ZFHX3: variants seen among roughly 807,000 people sequenced by gnomAD.
The protein encoded by ZFHX3 is zinc finger homeobox 3.
In ZFHX3, 42 loss-of-function variants were observed where a neutral mutation model predicts 279.1. The observed-to-expected ratio is 0.15, with a 90% confidence interval of 0.12 to 0.19. ZFHX3 has a LOEUF of 0.19. ZFHX3 is among the 10% of genes least tolerant of loss of function. The pLI, the probability that ZFHX3 is intolerant of heterozygous loss-of-function variation, is 1.00. For synonymous variants in ZFHX3, 2,293 were observed against 1,957.8 expected, an observed-to-expected ratio of 1.17 and a Z score of -4.52; for missense variants, 4,981 against 4,754.0, an observed-to-expected ratio of 1.05 and a Z score of -1.40.
intron 4 of ZFHX3, among the ~76,000 whole-genome samples, chr16:73,309,510 GT>G (rs1462605005): frequency 6.6e-6 from 1 of 152,222 alleles, no homozygotes; most frequent in Non-Finnish European, 1.5e-5. Context: ...GTCCACAGCA[GT>G]GGAAGGAACC....
chr16:73,865,286 G>T (rs1295981846), intron 1 of ZFHX3, among the ~76,000 whole-genome samples: 2 of 152,168 alleles, frequency 1.3e-5, no homozygotes, highest in Non-Finnish European at 2.9e-5. Context: ...CTGAAAATAA[G>T]TTAAAAAAAT....
chr16:72,854,564 G>A (rs1276941749), intron 4 of ZFHX3, among the ~76,000 whole-genome samples: 8 of 152,102 alleles, frequency 5.3e-5, no homozygotes, highest in Admixed American at 2.6e-4. Flanking sequence ...GGCAGAAGAT[G>A]GTCCTGGACA....
At chr16:73,415,753 A>T (rs2017559036) in intron 3 of ZFHX3, among the ~76,000 whole-genome samples, 1 of 152,194 alleles carries the variant, frequency 6.6e-6, no homozygotes, top group African/African-American at 2.4e-5. Context: ...TGCAGATTCC[A>T]TCACAACCCA....
intron 2 of ZFHX3, among the ~76,000 whole-genome samples, chr16:73,618,440 T>A (rs2052326588): frequency 6.6e-6 from 1 of 152,380 alleles, no homozygotes; most frequent in Non-Finnish European, 1.5e-5. Flanking sequence ...AGGATTATTG[T>A]CATTCTCTAT....
chr16:73,433,933 C>A (rs1032565572), intron 3 of ZFHX3, among the ~76,000 whole-genome samples: 46 of 152,190 alleles, frequency 3.0e-4, no homozygotes, highest in African/African-American at 8.2e-4. Context: ...GGGAGAAAGA[C>A]TGGAAAAGCC....
At chr16:73,748,810 A>G (rs435975) in intron 1 of ZFHX3, among the ~76,000 whole-genome samples, 39,441 of 152,000 alleles carry the variant, frequency 0.26, 5,985 homozygotes, top group African/African-American at 0.43. Context: ...TTTTTGAGAC[A>G]GAGTTTTGCT....
At chr16:73,709,005 T>C (rs2053331736) in intron 1 of ZFHX3, among the ~76,000 whole-genome samples, 1 of 152,174 alleles carries the variant, frequency 6.6e-6, no homozygotes, top group South Asian at 2.1e-4. Context: ...TTGGAGGATC[T>C]GTAAAGCGGC....
chr16:73,024,098 G>C (rs183981881), intron 1 of ZFHX3, among the ~76,000 whole-genome samples: 1 of 152,292 alleles, frequency 6.6e-6, no homozygotes, highest in Admixed American at 6.5e-5. Flanking sequence ...TTGCTCCATA[G>C]TCTGCATCGA....
intron 1 of ZFHX3, among the ~76,000 whole-genome samples, chr16:73,733,983 A>G (rs1290438090): frequency 1.3e-5 from 2 of 152,154 alleles, no homozygotes; most frequent in African/African-American, 2.4e-5. Context: ...CAATTTTTCC[A>G]TGGATTGGGA....
intron 5 of ZFHX3, among the ~76,000 whole-genome samples, chr16:73,223,645 C>A (rs1404982650): frequency 6.6e-6 from 1 of 152,250 alleles, no homozygotes; most frequent in East Asian, 1.9e-4. Flanking sequence ...ACAGTTTAAC[C>A]ATTTCTTACA....
rs973234434 is a variant in ZFHX3 at position 72,784,369 on chromosome 16, T to C, written c.*2795A>G. The C allele has an allele frequency of 2.0e-5, 3 of 152,442 alleles. No homozygotes were observed. The highest frequency in any genetic ancestry group is 4.4e-5 in the Non-Finnish European group (3 of 68,004). The allele number at this position is 152,442 out of a possible 1,614,324, so 9.4% of individuals were successfully genotyped here. A position where few individuals can be genotyped will look rare whatever the true frequency, so the allele number is the denominator to read the frequency against. ...AGGGAAAAGGATAGAAATTGCACTA[T>C]TACCAAGCAATATCATTTTTAAAAA... is the stretch of plus-strand genomic sequence containing the variant. On this transcript the variant is annotated 3_prime_UTR_variant, in exon 10 of 10. Transcript: ENST00000268489.
intron 1 of ZFHX3, among the ~76,000 whole-genome samples, chr16:72,975,378 A>T (rs1962304726): frequency 6.6e-6 from 1 of 152,142 alleles, no homozygotes; most frequent in South Asian, 2.1e-4. Context: ...GGGAGGCAGA[A>T]GTTGCAGTGA....
At chr16:73,782,789 A>G (rs1165355183) in intron 1 of ZFHX3, among the ~76,000 whole-genome samples, 5 of 152,186 alleles carry the variant, frequency 3.3e-5, no homozygotes, top group Non-Finnish European at 7.3e-5. Flanking sequence ...GACCTGAAAG[A>G]CTGGGTCCCT....
At chr16:73,288,980 G>C (rs2014703128) in intron 4 of ZFHX3, among the ~76,000 whole-genome samples, 1 of 146,240 alleles carries the variant, frequency 6.8e-6, no homozygotes, top group South Asian at 2.3e-4. Flanking sequence ...TTATGATCTA[G>C]GATGCTGTTA....
chr16:72,950,082 GA>G (rs66812068), intron 3 of ZFHX3, among the ~76,000 whole-genome samples: 52,132 of 135,940 alleles, frequency 0.38, 9,835 homozygotes, highest in East Asian at 0.45. Flanking sequence ...AGGAGAAATA[GA>G]AAAAAAAAAA....
intron 5 of ZFHX3, among the ~76,000 whole-genome samples, chr16:73,221,688 C>G (rs1485201867): frequency 6.6e-6 from 1 of 152,016 alleles, no homozygotes; most frequent in Non-Finnish European, 1.5e-5. Flanking sequence ...GTTTCTTTTT[C>G]TGAAAGTAAG....
At chr16:73,014,280 CA>C (rs1426292480) in intron 1 of ZFHX3, 1 of 150,794 alleles carries the variant, frequency 6.6e-6, no homozygotes, top group Non-Finnish European at 1.5e-5. Context: ...AGCTACAAGG[CA>C]ATCAGTTTGC....
At position 73,076,528 on chromosome 16, in the gene ZFHX3, G is replaced by A. The variant is rs564350587; in HGVS notation, c.-533+16707C>T. Among the ~76,000 whole-genome samples, 3 of 152,284 alleles carry A rather than the reference G, an allele frequency of 2.0e-5. No homozygotes were observed. In the East Asian group the frequency reaches 5.8e-4, roughly 29 times the overall value. ...TTAGAATGATGTCACAGTTATTAAGGTGCTTGGATTCCCTCGAGCAGAGGG... is the reference window on the plus strand; with the variant it reads ...TTAGAATGATGTCACAGTTATTAAGATGCTTGGATTCCCTCGAGCAGAGGG... On this transcript the variant is annotated intron_variant, in intron 8 of 17. Coordinates refer to the ZFHX3 transcript ENST00000641206.
Position 72,812,012 on chromosome 16 carries a change from G to A in ZFHX3, c.3556C>T (p.Leu1186=), listed in dbSNP as rs748717466. Reference sequence around the variant, plus strand: ...TTGGAGGTTGCAGGAGAATCTGTCAGCTCCTTCTCTGCTTGGCTGGACGAT... The same window carrying A: ...TTGGAGGTTGCAGGAGAATCTGTCAACTCCTTCTCTGCTTGGCTGGACGAT... ...GASSSQAEKE[L]TDSPATSKRI... is the part of the protein sequence containing the mutation. Residue 1186 remains leucine (L), a synonymous_variant, in exon 6 of 10, where the codon CTG becomes TTG. Coordinates refer to ENST00000268489, the MANE Select transcript of ZFHX3 (RefSeq NM_006885.4). 1.2e-6 allele frequency: 2 copies of A among 1,614,166 alleles called. No individual in the cohort carries two copies. Among genetic ancestry groups the A allele is most frequent in the Non-Finnish European group, 1.7e-6 (2 of 1,180,040 alleles).
Sources: gnomAD v4.1 joint callset for allele counts (sites outside exome capture counted in the v4.1 genomes callset) on GRCh38, gnomAD v4.1.1 for gene constraint, MANE v1.5 for transcripts, NCBI Gene and HGNC (gene_info 2026-07-23, HGNC 2026-07-21) for gene names.